PARD3B: variants seen among roughly 807,000 people sequenced by gnomAD.
PARD3B encodes the protein partitioning defective 3 homolog B.
Under a neutral mutation model 130.2 loss-of-function variants are expected in PARD3B, and 103 were observed. That is an observed-to-expected ratio of 0.79 (90% CI 0.67 to 0.93). The LOEUF is 0.93. Among genes scored for constraint, PARD3B ranks in the 40% least tolerant of loss-of-function variants. PARD3B has a pLI of 0.00. For synonymous variants in PARD3B, 583 were observed against 553.2 expected (o/e 1.05, Z -0.76); for missense variants, 1,609 against 1,499.2 (o/e 1.07, Z -1.21).
chr2:205,531,904 T>C (rs146995503), intron 21 of PARD3B, among the ~76,000 whole-genome samples: 96 of 152,298 alleles, frequency 6.3e-4, no homozygotes, highest in Middle Eastern at 3.4e-3. Flanking sequence ...TACAGAGAAG[T>C]GGAAGGATGG....
chr2:205,523,148 A>G (rs955563082), intron 21 of PARD3B, among the ~76,000 whole-genome samples: 3 of 149,824 alleles, frequency 2.0e-5, no homozygotes, highest in Non-Finnish European at 4.4e-5. Context: ...CCTTTCTGTC[A>G]TCTTGTTTTA....
chr2:205,162,155 C>T (rs763252773), intron 11 of PARD3B, among the ~76,000 whole-genome samples: 6 of 152,160 alleles, frequency 3.9e-5, no homozygotes, highest in Non-Finnish European at 7.3e-5. Flanking sequence ...TACTCTAGGA[C>T]GCCCTCTTGG....
chr2:205,202,688 C>T (rs1427764044), intron 15 of PARD3B, among the ~76,000 whole-genome samples: 1 of 152,122 alleles, frequency 6.6e-6, no homozygotes, highest in African/African-American at 2.4e-5. Flanking sequence ...GGAAAACATT[C>T]GGAGTAAGGA....
chr2:205,046,911 G>A (rs1194163367), intron 3 of PARD3B, among the ~76,000 whole-genome samples: 1 of 152,128 alleles, frequency 6.6e-6, no homozygotes, highest in Non-Finnish European at 1.5e-5. Flanking sequence ...CTTTCTAATA[G>A]TATGATCTTT....
chr2:205,228,150 A>G (rs2038657771), intron 15 of PARD3B, among the ~76,000 whole-genome samples: 1 of 152,166 alleles, frequency 6.6e-6, no homozygotes, highest in Admixed American at 6.5e-5. Flanking sequence ...CACAATTACA[A>G]TGTTTTAATA....
intron 10 of PARD3B, among the ~76,000 whole-genome samples, chr2:205,157,885 A>G (rs2034276190): frequency 1.3e-5 from 2 of 152,144 alleles, no homozygotes; most frequent in Non-Finnish European, 2.9e-5. Context: ...ATATTTGAAA[A>G]CACTGGGGAC....
chr2:205,174,136 A>G (rs2035333537), intron 12 of PARD3B, among the ~76,000 whole-genome samples: 1 of 152,194 alleles, frequency 6.6e-6, no homozygotes, highest in South Asian at 2.1e-4. Flanking sequence ...GGCACACTTT[A>G]CTATTTGCAT....
chr2:204,884,525 C>T (rs2046199819), intron 2 of PARD3B, among the ~76,000 whole-genome samples: 1 of 151,958 alleles, frequency 6.6e-6, no homozygotes, highest in African/African-American at 2.4e-5. Flanking sequence ...AAATGTGTGC[C>T]CTGTTGGTTT....
intron 21 of PARD3B, among the ~76,000 whole-genome samples, chr2:205,504,271 T>A (rs1351488181): frequency 1.3e-5 from 2 of 151,862 alleles, no homozygotes; most frequent in African/African-American, 2.4e-5. Flanking sequence ...TAAATGTTAG[T>A]CCTAAAACCA....
intron 5 of PARD3B, among the ~76,000 whole-genome samples, chr2:205,111,564 A>G (rs1478345778): frequency 6.6e-6 from 1 of 152,078 alleles, no homozygotes; most frequent in African/African-American, 2.4e-5. Context: ...AGTGGGAGTA[A>G]AGAAATATTT....
chr2:205,154,812 C>T (rs189048807), intron 10 of PARD3B, among the ~76,000 whole-genome samples: 21 of 152,226 alleles, frequency 1.4e-4, no homozygotes, highest in Admixed American at 1.2e-3. Context: ...AACCACACAC[C>T]GCATGTTCTC....
chr2:204,716,496 G>A (rs1347748433), intron 2 of PARD3B, among the ~76,000 whole-genome samples: 1 of 151,912 alleles, frequency 6.6e-6, no homozygotes, highest in African/African-American at 2.4e-5. Flanking sequence ...ATGAGAACAT[G>A]GATCTTTGAG....
At chr2:205,022,243 A>G (rs1478262359) in intron 3 of PARD3B, among the ~76,000 whole-genome samples, 3 of 152,218 alleles carry the variant, frequency 2.0e-5, no homozygotes, top group Non-Finnish European at 4.4e-5. Flanking sequence ...CTATGCCAGT[A>G]TCTTCTCTAA....
chr2:205,161,831 G>C (rs543015168), intron 11 of PARD3B, among the ~76,000 whole-genome samples: 18 of 152,274 alleles, frequency 1.2e-4, no homozygotes, highest in African/African-American at 4.3e-4. Context: ...AGTTCTCAAG[G>C]TGTTTTTCCC....
intron 1 of PARD3B, among the ~76,000 whole-genome samples, chr2:204,660,050 C>G (rs1453353451): frequency 6.6e-6 from 1 of 152,126 alleles, no homozygotes; most frequent in Admixed American, 6.6e-5. Flanking sequence ...CCTCAGATGT[C>G]CAGGCAAGAC....
intron 2 of PARD3B, among the ~76,000 whole-genome samples, chr2:204,690,439 CA>C (rs2037302035): frequency 6.6e-6 from 1 of 151,950 alleles, no homozygotes; most frequent in Non-Finnish European, 1.5e-5. Context: ...TGGATGGACC[CA>C]ATGTAGTCAC....
At chr2:205,188,667 C>G (rs1019263488) in intron 14 of PARD3B, among the ~76,000 whole-genome samples, 2 of 151,572 alleles carry the variant, frequency 1.3e-5, no homozygotes, top group Non-Finnish European at 2.9e-5. Context: ...CAAGCTGCTG[C>G]GTTGCCTAGG....
chr2:205,399,757 T>A (rs552309732), intron 18 of PARD3B, among the ~76,000 whole-genome samples: 179 of 152,338 alleles, frequency 1.2e-3, no homozygotes, highest in Non-Finnish European at 2.3e-3. Context: ...TGTGCCCTTG[T>A]AACTATATAC....
chr2:204,928,303 C>T (rs967918459), intron 2 of PARD3B, among the ~76,000 whole-genome samples: 2 of 151,982 alleles, frequency 1.3e-5, no homozygotes, highest in Non-Finnish European at 2.9e-5. Flanking sequence ...CTAGAGGCCT[C>T]GGTTTAGAAT....
Sources: gnomAD v4.1 joint callset for allele counts (sites outside exome capture counted in the v4.1 genomes callset) on GRCh38, gnomAD v4.1.1 for gene constraint, MANE v1.5 for transcripts, NCBI Gene and HGNC (gene_info 2026-07-23, HGNC 2026-07-21) for gene names.